Variants in THSD7B observed in about 807,000 individuals in gnomAD.
THSD7B encodes thrombospondin type 1 domain containing 7B.
Under a neutral mutation model 213.6 loss-of-function variants are expected in THSD7B, and 138 were observed. That is an observed-to-expected ratio of 0.65 (90% CI 0.56 to 0.74). THSD7B has a LOEUF of 0.74. Ranked by LOEUF, THSD7B falls within the 30% of genes least tolerant of loss-of-function variation. THSD7B has a pLI of 0.00. For synonymous variants in THSD7B, 742 were observed against 687.0 expected (o/e 1.08, Z -1.25); for missense variants, 1,931 against 1,991.5 (o/e 0.97, Z 0.58).
chr2:137,310,285 G>A (rs1683863640), intron 12 of THSD7B, among the ~76,000 whole-genome samples: 3 of 150,582 alleles, frequency 2.0e-5, no homozygotes, highest in Admixed American at 2.0e-4. Flanking sequence ...TGTGTTTTTT[G>A]GCTGCATAAA....
At chr2:137,006,435 CATACATACATAT>C (rs1686113983) in intron 2 of THSD7B, among the ~76,000 whole-genome samples, 1 of 148,118 alleles carries the variant, frequency 6.8e-6, no homozygotes, top group Admixed American at 6.7e-5. Flanking sequence ...TACATACATA[CATACATACATAT>C]AGGTTGTATA....
chr2:137,251,348 A>C (rs545408903), intron 10 of THSD7B, among the ~76,000 whole-genome samples: 7 of 152,122 alleles, frequency 4.6e-5, no homozygotes, highest in Non-Finnish European at 1.0e-4. Flanking sequence ...ATTTTTATTT[A>C]TTTTTTGTGT....
intron 2 of THSD7B, among the ~76,000 whole-genome samples, chr2:136,953,410 G>A (rs1417382174): frequency 2.0e-5 from 3 of 152,174 alleles, no homozygotes; most frequent in Admixed American, 2.0e-4. Context: ...CTCATATGAG[G>A]CTGTAATATT....
At chr2:136,823,026 T>G (rs1682590774) in intron 1 of THSD7B, among the ~76,000 whole-genome samples, 1 of 152,218 alleles carries the variant, frequency 6.6e-6, no homozygotes, top group African/African-American at 2.4e-5. Flanking sequence ...AGCACCTGTT[T>G]TATACTTCTT....
At chr2:137,442,653 A>G (rs1159044491) in intron 14 of THSD7B, among the ~76,000 whole-genome samples, 1 of 152,136 alleles carries the variant, frequency 6.6e-6, no homozygotes, top group Non-Finnish European at 1.5e-5. Context: ...TAGAGGCTTC[A>G]CACTACATTT....
chr2:137,471,909 C>T (rs112869814), intron 15 of THSD7B, among the ~76,000 whole-genome samples: 7,314 of 152,174 alleles, frequency 0.048, 239 homozygotes, highest in Non-Finnish European at 0.069. Context: ...TGTTTTCTTA[C>T]GGTTGCTTCA....
At chr2:137,267,425 G>A (rs896661967) in intron 10 of THSD7B, among the ~76,000 whole-genome samples, 35 of 152,104 alleles carry the variant, frequency 2.3e-4, no homozygotes, top group African/African-American at 8.0e-4. Flanking sequence ...GTAAGCGAGT[G>A]CTATTGAAAA....
chr2:137,029,688 A>G (rs1573776327), intron 2 of THSD7B, among the ~76,000 whole-genome samples: 2 of 152,170 alleles, frequency 1.3e-5, no homozygotes, highest in South Asian at 2.1e-4. Flanking sequence ...TTGCTGGTCA[A>G]TATTGAGGTA....
intron 12 of THSD7B, among the ~76,000 whole-genome samples, chr2:137,398,712 G>T (rs996860158): frequency 6.6e-6 from 1 of 152,220 alleles, no homozygotes; most frequent in Non-Finnish European, 1.5e-5. Context: ...CTTCAGGGCT[G>T]CTTTGTTTAC....
rs11383871 is a variant in THSD7B, at chr2:137,508,376, A to ATTTTTT, written c.3139-54830_3139-54825dup. 6.5e-5 allele frequency among the ~76,000 whole-genome samples: 7 copies of ATTTTTT among 107,942 alleles called. 1 individual carries two copies. The highest frequency in any genetic ancestry group is 1.9e-4 in the African/African-American group (5 of 26,832). The allele number at this position is 107,942 out of a possible 152,430, so 70.8% of individuals were successfully genotyped here. On this transcript the variant is annotated intron_variant, in intron 15 of 27. Transcript: ENST00000409968. ...TGCCAGGCTTCTGCTAAATAAAACA[A>ATTTTTT]TTTTTTTTTTTTTTTTTTTTGAGAC...
intron 14 of THSD7B, among the ~76,000 whole-genome samples, chr2:137,432,004 C>T (rs1024631196): frequency 4.6e-5 from 7 of 152,156 alleles, no homozygotes. Flanking sequence ...AGCTGAACTA[C>T]TCTCAAATTG....
chr2:136,800,449 G>A (rs1470654022), intron 1 of THSD7B, among the ~76,000 whole-genome samples: 2 of 151,886 alleles, frequency 1.3e-5, no homozygotes, highest in East Asian at 1.9e-4. Context: ...ATATTTCATA[G>A]TATCTTCCCC....
rs1419305313 is a variant in THSD7B, at chr2:137,332,299, A to G, written c.2500+56273A>G. Among the ~76,000 whole-genome samples the G allele has an allele frequency of 3.9e-5, 6 of 152,126 alleles. No individual in the cohort carries two copies. The East Asian group carries it at 1.2e-3, about 29-fold the overall frequency. On this transcript the variant is annotated intron_variant, in intron 12 of 27. Transcript: ENST00000409968. Reference sequence around the variant, plus strand: ...TGGAGTCAAAGGAGATTATTTTGGAACTTTAAGATTTAATGACTGTCCTCT... The same window carrying G: ...TGGAGTCAAAGGAGATTATTTTGGAGCTTTAAGATTTAATGACTGTCCTCT...
chr2:137,526,318 G>T (rs1481247169), intron 15 of THSD7B, among the ~76,000 whole-genome samples: 2 of 152,106 alleles, frequency 1.3e-5, no homozygotes, highest in Non-Finnish European at 2.9e-5. Flanking sequence ...TATGGTGCTA[G>T]GGGCTGAGAA....
In THSD7B at chr2:137,450,898, G is replaced by A. The variant is rs1457870589; in HGVS notation, c.3013G>A (p.Asp1005Asn). ...CTGCCCATTTGATTGCAAGTTAAGC[G>A]ATTGGTCTAGTTGGGGGTCTTGCAG... ...IPCPFDCKLS[D>N]WSSWGSCSSS... The change falls in exon 15 of 28, where the codon GAT becomes AAT. Residue 1005 changes from aspartate to asparagine, a missense_variant. Asp to Asn is a conservative substitution (Grantham distance 23, BLOSUM62 1). Transcript: ENST00000409968. 7 of 1,612,206 alleles carry A rather than the reference G, an allele frequency of 4.3e-6. No individual in the cohort carries two copies. The highest frequency in any genetic ancestry group is 2.2e-5 in the East Asian group (1 of 44,780).
intron 1 of THSD7B, among the ~76,000 whole-genome samples, chr2:136,817,165 A>G (rs532793418): frequency 2.0e-5 from 3 of 152,340 alleles, no homozygotes; most frequent in African/African-American, 7.2e-5. Context: ...TTTATCTACC[A>G]TTCTGAATGC....
At chr2:137,578,007 A>C (rs1681498730) in intron 17 of THSD7B, among the ~76,000 whole-genome samples, 1 of 152,194 alleles carries the variant, frequency 6.6e-6, no homozygotes, top group African/African-American at 2.4e-5. Context: ...CTCCATAGTA[A>C]ACAATGTTAT....
In THSD7B at chr2:137,492,362, A is replaced by G. The variant is rs541213439; in HGVS notation, c.3138+41339A>G. Among the ~76,000 whole-genome samples, 13 of 152,278 alleles carry G rather than the reference A, an allele frequency of 8.5e-5. No homozygotes were observed. The South Asian group carries it at 2.3e-3, about 27-fold the overall frequency. ...TACATGTGCCTGCTAGGAGTCTCTT[A>G]CCATGCCTCTCCTATTTAGGCTTAT... is the stretch of plus-strand genomic sequence containing the variant. On this transcript the variant is annotated intron_variant, in intron 15 of 27. Transcript: ENST00000409968.
intron 14 of THSD7B, among the ~76,000 whole-genome samples, chr2:137,412,813 G>A (rs922830093): frequency 6.8e-6 from 1 of 148,072 alleles, no homozygotes; most frequent in African/African-American, 2.6e-5. Context: ...AAATACAGCT[G>A]GGGTGAAAAT....
Sources: gnomAD v4.1 joint callset for allele counts (sites outside exome capture counted in the v4.1 genomes callset) on GRCh38, gnomAD v4.1.1 for gene constraint, MANE v1.5 for transcripts, NCBI Gene and HGNC (gene_info 2026-07-23, HGNC 2026-07-21) for gene names.